The following ANO5 variants were observed in gnomAD, a reference collection of about 807,000 sequenced individuals.
The protein encoded by ANO5 is anoctamin 5.
In ANO5, 109 loss-of-function variants were observed where a neutral mutation model predicts 121.0. That is an observed-to-expected ratio of 0.90 (90% CI 0.77 to 1.06). ANO5 has a LOEUF of 1.06. Among genes scored for constraint, ANO5 ranks in the 50% least tolerant of loss-of-function variants. ANO5 has a pLI of 0.00. For missense variants in ANO5, 1,064 were observed against 1,078.5 expected (o/e 0.99, Z 0.19); for synonymous variants, 406 against 359.9 (o/e 1.13, Z -1.45).
intron 1 of ANO5, among the ~76,000 whole-genome samples, chr11:22,196,471 A>G (rs770849792): frequency 3.4e-4 from 52 of 151,226 alleles, no homozygotes; most frequent in Non-Finnish European, 6.8e-4. Flanking sequence ...CCATAGCACT[A>G]AGATGTATGA....
chr11:22,255,242 A>G, intron 12 of ANO5, 129 bp from the exon 13 acceptor site: 1 of 672,766 alleles, frequency 1.5e-6, no homozygotes, highest in Non-Finnish European at 2.4e-6. Flanking sequence ...GTTTTAATCA[A>G]ACACAACAGT....
chr11:22,223,776 C>T lies in ANO5; in HGVS notation c.295-2208C>T, dbSNP rs1239727235. Among the ~76,000 whole-genome samples the T allele has an allele frequency of 8.6e-5, 13 of 152,044 alleles. No individual in the cohort carries two copies. The South Asian group carries it at 2.7e-3, about 32-fold the overall frequency. On this transcript the variant is annotated intron_variant, in intron 5 of 21. Transcript: ENST00000324559. ...ATTATATTTGATATTCTTTACTGGG[C>T]CATTTTCTTCCATGAATAACTAGGC...
chr11:22,194,505 T>C (rs929790275), intron 1 of ANO5, among the ~76,000 whole-genome samples: 3 of 152,242 alleles, frequency 2.0e-5, no homozygotes, highest in African/African-American at 7.2e-5. Context: ...AAGTTGGATT[T>C]TTTTTAGTGT....
intron 3 of ANO5, among the ~76,000 whole-genome samples, chr11:22,215,774 A>G (rs931213614): frequency 1.3e-5 from 2 of 151,936 alleles, no homozygotes; most frequent in African/African-American, 4.8e-5. Context: ...ACTATAATTT[A>G]TGTAGAAAAT....
Position 22,279,620 on chromosome 11 carries a change from A to C in ANO5, c.2597A>C (p.Lys866Thr). 6.2e-7 allele frequency: 1 copy of C among 1,613,088 alleles called. No homozygotes were observed. Among genetic ancestry groups the C allele is most frequent in the Non-Finnish European group, 8.5e-7 (1 of 1,179,248 alleles). The change falls in exon 22 of 22, where the codon AAG becomes ACG. Residue 866 changes from lysine (K) to threonine (T), a missense_variant. By Grantham distance (78) the Lys-to-Thr change is moderately conservative. Coordinates refer to ENST00000324559, the MANE Select transcript of ANO5 (RefSeq NM_213599.3). ...CCAAAAGATGTTGTGGAGAGAATCA[A>C]GAGAGAAAAGTTAATGACTATCAAG... ...DVPKDVVERIKREKLMTIKIL... is the reference protein window; with the variant it reads ...DVPKDVVERITREKLMTIKIL...
intron 14 of ANO5, among the ~76,000 whole-genome samples, chr11:22,258,334 T>G (rs1854071163): frequency 6.6e-6 from 1 of 152,180 alleles, no homozygotes; most frequent in African/African-American, 2.4e-5. Flanking sequence ...TTTAAAACAG[T>G]AAAAATATGT....
intron 5 of ANO5, among the ~76,000 whole-genome samples, chr11:22,225,316 C>T (rs1564922051): frequency 6.6e-6 from 1 of 151,826 alleles, no homozygotes; most frequent in Non-Finnish European, 1.5e-5. Context: ...TAAAAATTAT[C>T]CGAGTGTGGA....
At chr11:22,271,326 G>A (rs1854604738) in intron 18 of ANO5, among the ~76,000 whole-genome samples, 1 of 152,134 alleles carries the variant, frequency 6.6e-6, no homozygotes, top group Non-Finnish European at 1.5e-5. Flanking sequence ...GGGATTACAG[G>A]CGTGAGCCAC....
intron 12 of ANO5, among the ~76,000 whole-genome samples, chr11:22,255,042 A>T (rs1853948186): frequency 6.6e-6 from 1 of 152,196 alleles, no homozygotes; most frequent in African/African-American, 2.4e-5. Flanking sequence ...ACATGCAAAA[A>T]AAAATATTTC....
intron 17 of ANO5, among the ~76,000 whole-genome samples, chr11:22,263,350 T>C (rs987663639): frequency 3.3e-5 from 5 of 152,208 alleles, no homozygotes; most frequent in African/African-American, 4.8e-5. Flanking sequence ...ATATGCATTT[T>C]TGTTACTTTT....
intron 12 of ANO5, among the ~76,000 whole-genome samples, chr11:22,254,765 A>G (rs375568639): frequency 3.3e-5 from 5 of 152,066 alleles, no homozygotes; most frequent in Non-Finnish European, 7.4e-5. Flanking sequence ...ATATTCTTCA[A>G]TTGAAAGTTG....
chr11:22,280,677 T>G lies in ANO5; in HGVS notation c.*912T>G, dbSNP rs1409802252. On this transcript the variant is annotated 3_prime_UTR_variant, in exon 22 of 22. Transcript: ENST00000324559. ...ATGCCAATTTCACATCATGAAGCCT[T>G]TTTGTATAAGTTAGATACGAGTTGT... 6.6e-6 allele frequency: 1 copy of G among 152,008 alleles called. No homozygotes were observed. The highest frequency in any genetic ancestry group is 1.9e-4 in the East Asian group (1 of 5,198). The allele number at this position is 152,008 out of a possible 1,614,324, so 9.4% of individuals were successfully genotyped here.
chr11:22,260,036 G>A (rs542987112), intron 15 of ANO5, among the ~76,000 whole-genome samples: 12 of 151,624 alleles, frequency 7.9e-5, no homozygotes, highest in African/African-American at 2.9e-4. Context: ...TGAATCCTAA[G>A]AAAAATAATC....
At chr11:22,208,507 A>G (rs1852186029) in intron 2 of ANO5, among the ~76,000 whole-genome samples, 1 of 152,018 alleles carries the variant, frequency 6.6e-6, no homozygotes, top group Admixed American at 6.6e-5. Flanking sequence ...AGTGATTTCT[A>G]AGGGACATGG....
At chr11:22,248,573 C>G (rs1227348967) in intron 9 of ANO5, among the ~76,000 whole-genome samples, 1 of 151,958 alleles carries the variant, frequency 6.6e-6, no homozygotes, top group Non-Finnish European at 1.5e-5. Context: ...GTTAGATACC[C>G]AAGTCCAAAG....
Position 22,280,788 on chromosome 11 carries a change from A to C in ANO5, c.*1023A>C, listed in dbSNP as rs1486536108. 2 of 151,984 alleles carry C rather than the reference A, an allele frequency of 1.3e-5. No individual in the cohort carries two copies. Among genetic ancestry groups the C allele is most frequent in the Non-Finnish European group, 1.5e-5 (1 of 67,882 alleles). 9.4% of individuals were successfully genotyped at this position (151,984 alleles called of 1,614,324 possible). The stretch of plus-strand genomic sequence containing the variant: ...TTTCTATTGATGTATCATCTTATAC[A>C]ATGCTCAGTGCCTTGTTCCAATACC... On this transcript the variant is annotated 3_prime_UTR_variant, in exon 22 of 22. Coordinates refer to ENST00000324559, the MANE Select transcript of ANO5 (RefSeq NM_213599.3).
At position 22,250,260 on chromosome 11, in the gene ANO5, G is replaced by T; in HGVS notation, c.902G>T (p.Gly301Val). 6.3e-7 allele frequency: 1 copy of T among 1,594,776 alleles called. No homozygotes were observed. The highest frequency in any genetic ancestry group is 8.6e-7 in the Non-Finnish European group (1 of 1,163,858). The part of the protein sequence containing the change: ...LIKNYYGEKI[G>V]IYFVFLGFYT... ...AGGAATTATTATGGAGAAAAAATTG[G>T]TATCTATTTTGTCTTTCTTGGATTT... is the stretch of plus-strand genomic sequence containing the variant. The change falls in exon 10 of 22, where the codon GGT becomes GTT. Residue 301 changes from glycine (G) to valine (V), a missense_variant. Gly to Val is a moderately radical substitution (Grantham distance 109). Transcript: ENST00000324559.
Position 22,236,291 on chromosome 11 carries a change from G to T in ANO5, c.762+15G>T. ...CACTCCATGATGTATGTATAGGTTT[G>T]ATTGTGAAAATCTGAGCTTATTTTC... On this transcript the variant is annotated intron_variant, in intron 8 of 21. Transcript: ENST00000324559. The T allele has an allele frequency of 6.3e-7, 1 of 1,581,620 alleles. No homozygotes were observed.
intron 14 of ANO5, 50 bp from the exon 15 acceptor site, chr11:22,259,469 T>C: frequency 6.7e-7 from 1 of 1,497,062 alleles, no homozygotes; most frequent in Non-Finnish European, 9.3e-7. Context: ...TATATATTCA[T>C]AACAGAGATA....
Sources: allele counts gnomAD v4.1 joint callset (sites outside exome capture counted in the v4.1 genomes callset), GRCh38; gene constraint gnomAD v4.1.1; transcripts MANE v1.5; gene names NCBI Gene and HGNC (gene_info 2026-07-23, HGNC 2026-07-21).